Variants in WDPCP observed in about 807,000 individuals in gnomAD.
WDPCP encodes WD repeat-containing and planar cell polarity effector protein fritz homolog.
In WDPCP, 71 loss-of-function variants were observed where a neutral mutation model predicts 93.1. That is an observed-to-expected ratio of 0.76 (90% CI 0.63 to 0.93). WDPCP has a LOEUF of 0.93. Ranked by LOEUF, WDPCP falls within the 40% of genes least tolerant of loss-of-function variation. The probability of loss-of-function intolerance (pLI) is 0.00; values close to 1 mark genes in which losing one functional copy is unlikely to be tolerated. For missense variants in WDPCP, 844 were observed against 887.4 expected (o/e 0.95, Z 0.62); for synonymous variants, 315 against 315.0 (o/e 1.00, Z 0.00).
intron 14 of WDPCP, among the ~76,000 whole-genome samples, chr2:63,194,284 G>A (rs1196313083): frequency 6.6e-6 from 1 of 151,934 alleles, no homozygotes; most frequent in Non-Finnish European, 1.5e-5. Context: ...TGTTCAATAA[G>A]TGTCAGCAGC....
At chr2:63,413,237 T>C (rs1461904851) in intron 9 of WDPCP, among the ~76,000 whole-genome samples, 2 of 152,148 alleles carry the variant, frequency 1.3e-5, no homozygotes, top group African/African-American at 2.4e-5. Flanking sequence ...AGCCAACTGA[T>C]CTTCGACAAA....
At chr2:63,711,390 T>C (rs1332204373) in intron 2 of WDPCP, 1 of 152,130 alleles carries the variant, frequency 6.6e-6, no homozygotes, top group Non-Finnish European at 1.5e-5. Flanking sequence ...TACTGTAATA[T>C]TTTTGGTATG....
At chr2:63,251,795 A>C (rs1680749663) in intron 14 of WDPCP, among the ~76,000 whole-genome samples, 1 of 151,862 alleles carries the variant, frequency 6.6e-6, no homozygotes, top group Admixed American at 6.6e-5. Flanking sequence ...CTAGCCAGAA[A>C]GCCTACCAAT....
intron 14 of WDPCP, among the ~76,000 whole-genome samples, chr2:63,215,539 A>C (rs1574897929): frequency 6.6e-6 from 1 of 152,324 alleles, no homozygotes; most frequent in East Asian, 1.9e-4. Flanking sequence ...CCTTCCTTAC[A>C]CCTTATACAA....
chr2:63,251,133 A>AAATGAACT (rs1430256876), intron 14 of WDPCP, among the ~76,000 whole-genome samples: 17 of 152,210 alleles, frequency 1.1e-4, no homozygotes, highest in African/African-American at 4.1e-4. Context: ...GAGCAGAACT[A>AAATGAACT]AATGAACTTG....
At chr2:63,201,669 T>C (rs1675921186) in intron 14 of WDPCP, among the ~76,000 whole-genome samples, 1 of 152,202 alleles carries the variant, frequency 6.6e-6, no homozygotes, top group Non-Finnish European at 1.5e-5. Flanking sequence ...GCCAGGACTA[T>C]TATTGTGGGG....
At chr2:63,171,149 A>G (rs1241869996) in intron 15 of WDPCP, among the ~76,000 whole-genome samples, 2 of 152,326 alleles carry the variant, frequency 1.3e-5, no homozygotes, top group East Asian at 3.9e-4. Flanking sequence ...TCAGATTAGA[A>G]AGAAATTTAA....
At chr2:63,768,599 G>C (rs762575951) in intron 2 of WDPCP, among the ~76,000 whole-genome samples, 6 of 152,020 alleles carry the variant, frequency 3.9e-5, no homozygotes, top group Non-Finnish European at 7.4e-5. Context: ...AATTCCCCAG[G>C]TGCTTTTAAT....
At chr2:63,200,448 A>G (rs1239901897) in intron 14 of WDPCP, among the ~76,000 whole-genome samples, 1 of 152,226 alleles carries the variant, frequency 6.6e-6, no homozygotes, top group East Asian at 1.9e-4. Context: ...CTAAGTGTCC[A>G]TTAGCAGATG....
At chr2:63,297,304 C>T (rs1173285532) in intron 13 of WDPCP, among the ~76,000 whole-genome samples, 2 of 152,162 alleles carry the variant, frequency 1.3e-5, no homozygotes, top group African/African-American at 4.8e-5. Flanking sequence ...GTTCAGATGT[C>T]CTCCGTAAAT....
At chr2:63,296,242 C>T (rs1338919400) in intron 13 of WDPCP, among the ~76,000 whole-genome samples, 3 of 150,118 alleles carry the variant, frequency 2.0e-5, no homozygotes, top group East Asian at 1.9e-4. Context: ...TAAAATCCAG[C>T]ATCCCTTCAT....
chr2:63,450,647 A>G (rs1558650868), intron 6 of WDPCP, among the ~76,000 whole-genome samples: 1 of 152,096 alleles, frequency 6.6e-6, no homozygotes, highest in African/African-American at 2.4e-5. Flanking sequence ...GACTAGCCCA[A>G]CTGGCACCCC....
intron 12 of WDPCP, among the ~76,000 whole-genome samples, chr2:63,338,551 TAAAAAAAAAAA>T (rs373990599): frequency 3.2e-4 from 8 of 25,094 alleles, no homozygotes; most frequent in African/African-American, 1.6e-3. Context: ...AAACTCCATC[TAAAAAAAAAAA>T]AAAAAAAATA....
chr2:63,158,979 A>C (rs1672461617), intron 15 of WDPCP, among the ~76,000 whole-genome samples: 4 of 103,672 alleles, frequency 3.9e-5, no homozygotes, highest in African/African-American at 1.1e-4. Context: ...TCTACAAAAA[A>C]AAAAAAAAAA....
At position 63,722,599 on chromosome 2, in the gene WDPCP, G is replaced by C. The variant is rs1483788393; in HGVS notation, n.309-71761C>G. The stretch of plus-strand genomic sequence containing the variant: ...CCCCGCCCGGCCAGCCGCCCCGTCC[G>C]GGAGGGAGGTGGGGGGGTCAGCCCC... On this transcript the variant is annotated intron_variant and non_coding_transcript_variant, in intron 2 of 4. Transcript: ENST00000467687. 9.9e-5 allele frequency among the ~76,000 whole-genome samples: 14 copies of C among 141,620 alleles called. No individual in the cohort carries two copies. In the East Asian group the frequency reaches 2.9e-3, roughly 30 times the overall value. The allele number at this position is 141,620 out of a possible 152,430, so 92.9% of individuals were successfully genotyped here. A position where few individuals can be genotyped will look rare whatever the true frequency, so the allele number is the denominator to read the frequency against.
chr2:63,772,401 C>T (rs1017826938), intron 2 of WDPCP, among the ~76,000 whole-genome samples: 1 of 151,854 alleles, frequency 6.6e-6, no homozygotes, highest in Non-Finnish European at 1.5e-5. Flanking sequence ...TGAATTATTC[C>T]TTATAGATTC....
chr2:63,576,328 T>G (rs1259020881), intron 1 of WDPCP, among the ~76,000 whole-genome samples: 1 of 152,080 alleles, frequency 6.6e-6, no homozygotes, highest in Non-Finnish European at 1.5e-5. Context: ...CATGAACCCC[T>G]TTTTGGGTTC....
At position 63,238,434 on chromosome 2, in the gene WDPCP, G is replaced by C. The variant is rs147069059; in HGVS notation, c.1915+20873C>G. On this transcript the variant is annotated intron_variant, in intron 14 of 17. Transcript: ENST00000272321. ...AATTAAAAAATTGATATTCTATCTAGTAATTGTGAAATTTTAAAGAATGTG... is the reference window on the plus strand; with the variant it reads ...AATTAAAAAATTGATATTCTATCTACTAATTGTGAAATTTTAAAGAATGTG... Among the ~76,000 whole-genome samples, 278 of 152,138 alleles carry C rather than the reference G, an allele frequency of 1.8e-3. 1 individual carries two copies. The highest frequency in any genetic ancestry group is 6.2e-3 in the African/African-American group (259 of 41,522).
intron 6 of WDPCP, among the ~76,000 whole-genome samples, chr2:63,445,760 T>A (rs1283027159): frequency 6.6e-6 from 1 of 152,158 alleles, no homozygotes; most frequent in Non-Finnish European, 1.5e-5. Context: ...ATCTAAAGAG[T>A]TAAAAGCAGT....
Sources: allele counts gnomAD v4.1 joint callset (sites outside exome capture counted in the v4.1 genomes callset), GRCh38; gene constraint gnomAD v4.1.1; transcripts MANE v1.5; gene names NCBI Gene and HGNC (gene_info 2026-07-23, HGNC 2026-07-21).